Variants in ATP6V0D2 observed in about 807,000 individuals in gnomAD.
ATP6V0D2 encodes ATPase H+ transporting V0 subunit d2, also known as V-type proton ATPase subunit d 2.
A neutral mutation model predicts 40.0 loss-of-function variants in ATP6V0D2; 40 were observed. The observed-to-expected ratio is 1.00, with a 90% CI of 0.78 to 1.30. The LOEUF (loss-of-function observed/expected upper bound fraction) is 1.30, where lower values mean the gene tolerates loss of function less well. Ranked by LOEUF, ATP6V0D2 falls within the 50% of genes most tolerant of loss-of-function variation. The probability of loss-of-function intolerance (pLI) is 0.00; values close to 1 mark genes in which losing one functional copy is unlikely to be tolerated. For synonymous variants in ATP6V0D2, 179 were observed against 156.3 expected, an observed-to-expected ratio of 1.15 and a Z score of -1.08; for missense variants, 470 against 423.1, an observed-to-expected ratio of 1.11 and a Z score of -0.97.
chr8:86,107,701 C>T (rs1438852411), intron 1 of ATP6V0D2, among the ~76,000 whole-genome samples: 1 of 152,110 alleles, frequency 6.6e-6, no homozygotes, highest in African/African-American at 2.4e-5. Context: ...AAAGATTAAA[C>T]TTGAGGCGGG....
At chr8:86,125,130 C>T (rs1427664068) in intron 2 of ATP6V0D2, among the ~76,000 whole-genome samples, 8 of 152,076 alleles carry the variant, frequency 5.3e-5, no homozygotes, top group Non-Finnish European at 1.0e-4. Flanking sequence ...CACATGTCAG[C>T]AAAATCAGCG....
rs535691265 is a variant in ATP6V0D2 at position 86,099,197 on chromosome 8, A to G, written c.130+89A>G. The G allele has an allele frequency of 3.6e-6, 5 of 1,389,894 alleles. No homozygotes were observed. The South Asian group carries it at 6.4e-5, about 18-fold the overall frequency. The allele number at this position is 1,389,894 out of a possible 1,614,324, so 86.1% of individuals were successfully genotyped here. A position where few individuals can be genotyped will look rare whatever the true frequency, so the allele number is the denominator to read the frequency against. ...AGAAGCATGGAGAAAAAAAGCCCAT[A>G]ATCATATGGTTTGAGAGTTCTGAGC... On this transcript the variant is annotated intron_variant, in intron 1 of 7. Transcript: ENST00000285393.
At chr8:86,129,127 G>T (rs1157813984) in intron 2 of ATP6V0D2, among the ~76,000 whole-genome samples, 1 of 152,300 alleles carries the variant, frequency 6.6e-6, no homozygotes, top group Non-Finnish European at 1.5e-5. Context: ...GTGTTACTAA[G>T]CCTGATGCCA....
intron 2 of ATP6V0D2, among the ~76,000 whole-genome samples, chr8:86,123,439 A>G (rs1385193782): frequency 6.6e-6 from 1 of 152,216 alleles, no homozygotes; most frequent in Non-Finnish European, 1.5e-5. Context: ...TATCTTAGGA[A>G]GATGATTTTG....
At chr8:86,151,771 T>G (rs1819157295) in intron 7 of ATP6V0D2, among the ~76,000 whole-genome samples, 1 of 149,886 alleles carries the variant, frequency 6.7e-6, no homozygotes, top group Non-Finnish European at 1.5e-5. Flanking sequence ...TTTTTTTTTT[T>G]TTATACCCTC....
intron 2 of ATP6V0D2, among the ~76,000 whole-genome samples, chr8:86,131,773 T>C (rs1204888973): frequency 6.6e-6 from 1 of 152,138 alleles, no homozygotes; most frequent in East Asian, 1.9e-4. Flanking sequence ...AGTGCTGGGA[T>C]TACAGCTGGG....
At chr8:86,147,055 T>A (rs935679841) in intron 5 of ATP6V0D2, among the ~76,000 whole-genome samples, 6 of 152,084 alleles carry the variant, frequency 3.9e-5, no homozygotes, top group Non-Finnish European at 1.5e-5. Context: ...CACTGTAGTA[T>A]AATATTTGCC....
chr8:86,142,905 G>A lies in ATP6V0D2; in HGVS notation c.590G>A (p.Cys197Tyr). The part of the protein sequence containing the change: ...KSYLEAFYKF[C>Y]KNHGDVTAEV... ...TACCTTGAGGCATTCTATAAATTCTGTAAGAATCATGGTGATGTCACAGCA... is the reference window on the plus strand; with the variant it reads ...TACCTTGAGGCATTCTATAAATTCTATAAGAATCATGGTGATGTCACAGCA... The change falls in exon 5 of 8, where the codon TGT becomes TAT. Residue 197 changes from cysteine to tyrosine, a missense_variant. Cys to Tyr is a radical substitution (Grantham distance 194). Transcript: ENST00000285393. 1.2e-6 allele frequency: 2 copies of A among 1,609,628 alleles called. No individual in the cohort carries two copies. The highest frequency in any genetic ancestry group is 2.2e-5 in the South Asian group (2 of 90,616).
intron 1 of ATP6V0D2, among the ~76,000 whole-genome samples, chr8:86,102,541 G>A (rs1586082954): frequency 6.6e-6 from 1 of 152,166 alleles, no homozygotes; most frequent in Non-Finnish European, 1.5e-5. Context: ...TCTTTAAAAG[G>A]AAAGTGTTCT....
intron 2 of ATP6V0D2, among the ~76,000 whole-genome samples, chr8:86,120,630 A>G (rs1309668829): frequency 2.6e-5 from 4 of 152,214 alleles, no homozygotes; most frequent in Admixed American, 6.5e-5. Context: ...ACACTCTTGT[A>G]TTTAAGCTAC....
chr8:86,122,957 T>C (rs1818692626), intron 2 of ATP6V0D2, among the ~76,000 whole-genome samples: 1 of 152,176 alleles, frequency 6.6e-6, no homozygotes. Context: ...TAAAAGTCAC[T>C]ACAGGAAGGC....
At chr8:86,131,209 G>T (rs1818821514) in intron 2 of ATP6V0D2, among the ~76,000 whole-genome samples, 1 of 151,578 alleles carries the variant, frequency 6.6e-6, no homozygotes, top group Non-Finnish European at 1.5e-5. Context: ...ATTTTGTGTG[G>T]GAGGTGGGGG....
intron 1 of ATP6V0D2, among the ~76,000 whole-genome samples, chr8:86,103,808 G>A (rs1818432751): frequency 6.6e-6 from 1 of 151,950 alleles, no homozygotes; most frequent in Non-Finnish European, 1.5e-5. Flanking sequence ...GCTATACAAG[G>A]CTCTTTATGT....
chr8:86,121,607 G>A (rs933457169), intron 2 of ATP6V0D2, among the ~76,000 whole-genome samples: 1 of 105,622 alleles, frequency 9.5e-6, no homozygotes, highest in Middle Eastern at 5.3e-3. Flanking sequence ...AGGAGGAGGA[G>A]GAGGAGGAGG....
intron 2 of ATP6V0D2, among the ~76,000 whole-genome samples, chr8:86,136,938 C>T (rs956602759): frequency 1.3e-5 from 2 of 152,170 alleles, no homozygotes; most frequent in Non-Finnish European, 2.9e-5. Flanking sequence ...TGCGACCTTG[C>T]CTTGTCAACT....
intron 2 of ATP6V0D2, among the ~76,000 whole-genome samples, chr8:86,131,390 A>G (rs901885871): frequency 3.3e-5 from 5 of 151,930 alleles, no homozygotes; most frequent in Non-Finnish European, 7.4e-5. Context: ...TAGTAGAGAC[A>G]GGGTTTCACC....
chr8:86,143,472 T>A (rs1819005128), intron 5 of ATP6V0D2, among the ~76,000 whole-genome samples: 1 of 152,198 alleles, frequency 6.6e-6, no homozygotes, highest in Non-Finnish European at 1.5e-5. Context: ...TTCTTGATTA[T>A]ATGCTGAACA....
Position 86,152,844 on chromosome 8 carries a change from G to T in ATP6V0D2, c.920G>T (p.Arg307Ile), listed in dbSNP as rs1563568747. 1.2e-6 allele frequency: 2 copies of T among 1,601,676 alleles called. No homozygotes were observed. The highest frequency in any genetic ancestry group is 2.2e-5 in the East Asian group (1 of 44,566). ...EVQMNVLAFN[R>I]QFHYGVFYAY... is the part of the protein sequence containing the mutation. ...CAAATGAATGTGCTGGCATTCAACAGACAGTTCCACTACGGTGTGTTTTAT... is the reference window on the plus strand; with the variant it reads ...CAAATGAATGTGCTGGCATTCAACATACAGTTCCACTACGGTGTGTTTTAT... Residue 307 changes from arginine to isoleucine, a missense_variant, in exon 8 of 8, where the codon AGA (arginine) becomes ATA (isoleucine). Coordinates refer to ENST00000285393, the MANE Select transcript of ATP6V0D2 (RefSeq NM_152565.1).
intron 2 of ATP6V0D2, among the ~76,000 whole-genome samples, chr8:86,133,740 G>T (rs1470863527): frequency 1.3e-5 from 2 of 152,086 alleles, no homozygotes; most frequent in Non-Finnish European, 1.5e-5. Context: ...CCCTTACCCG[G>T]CTGTAAGTGG....
Sources: gnomAD v4.1 joint callset for allele counts (sites outside exome capture counted in the v4.1 genomes callset) on GRCh38, gnomAD v4.1.1 for gene constraint, MANE v1.5 for transcripts, NCBI Gene and HGNC (gene_info 2026-07-23, HGNC 2026-07-21) for gene names.